Variants in TPO observed in about 807,000 individuals in gnomAD.
TPO encodes the protein thyroid peroxidase.
TPO carries 78 observed loss-of-function variants against 96.9 expected under a neutral mutation model. The observed-to-expected ratio is 0.81, with a 90% CI of 0.67 to 0.97. The LOEUF is 0.97. Among genes scored for constraint, TPO ranks in the 50% least tolerant of loss-of-function variants. The pLI, the probability that TPO is intolerant of heterozygous loss-of-function variation, is 0.00. For missense variants in TPO, 1,252 were observed against 1,274.8 expected (o/e 0.98, Z 0.27); for synonymous variants, 547 against 538.0 (o/e 1.02, Z -0.23).
At chr2:1,490,560 T>TTTGC (rs2124891840) in intron 10 of TPO, among the ~76,000 whole-genome samples, 1 of 152,146 alleles carries the variant, frequency 6.6e-6, no homozygotes, top group South Asian at 2.1e-4. Flanking sequence ...ACTGCATGTG[T>TTTGC]TAGCACTCTA....
At chr2:1,445,039 T>A (rs13000154) in intron 5 of TPO, among the ~76,000 whole-genome samples, 1 of 25,186 alleles carries the variant, frequency 4.0e-5, no homozygotes, top group Non-Finnish European at 9.5e-5. Flanking sequence ...GGAATGGAGC[T>A]GGCTCCTTCT....
intron 1 of TPO, among the ~76,000 whole-genome samples, chr2:1,403,540 C>CA (rs1412160811): frequency 6.6e-6 from 1 of 152,174 alleles, no homozygotes; most frequent in Non-Finnish European, 1.5e-5. Context: ...GCTGTGCTCA[C>CA]AAAAATGCCA....
intron 1 of TPO, among the ~76,000 whole-genome samples, chr2:1,398,184 C>T (rs59510201): frequency 0.054 from 8,157 of 152,208 alleles, 487 homozygotes; most frequent in African/African-American, 0.14. Context: ...TCTGTCTTTT[C>T]CCCACTCTCT....
chr2:1,489,985 G>T (rs1182496312), intron 10 of TPO, among the ~76,000 whole-genome samples: 23 of 120,534 alleles, frequency 1.9e-4, no homozygotes, highest in African/African-American at 6.9e-4. Flanking sequence ...CACACAGGGG[G>T]AGTCACGACA....
At chr2:1,399,231 C>T (rs1426421909) in intron 1 of TPO, among the ~76,000 whole-genome samples, 1 of 152,238 alleles carries the variant, frequency 6.6e-6, no homozygotes, top group Non-Finnish European at 1.5e-5. Flanking sequence ...GAGCCACGTG[C>T]TCTCCAAGCC....
intron 1 of TPO, among the ~76,000 whole-genome samples, chr2:1,399,222 A>G (rs1662129708): frequency 6.6e-6 from 1 of 152,202 alleles, no homozygotes; most frequent in Non-Finnish European, 1.5e-5. Flanking sequence ...AGGGAGGCAG[A>G]GCCACGTGCT....
intron 14 of TPO, 70 bp downstream of exon 14, chr2:1,504,149 A>C: frequency 6.2e-7 from 1 of 1,605,194 alleles, no homozygotes; most frequent in Admixed American, 1.7e-5. Context: ...AAGTGTGTTC[A>C]AGTTAGGCAA....
At chr2:1,394,080 G>A (rs539995919) in intron 1 of TPO, among the ~76,000 whole-genome samples, 2 of 152,160 alleles carry the variant, frequency 1.3e-5, no homozygotes, top group African/African-American at 4.8e-5. Flanking sequence ...GTTTTACCTA[G>A]AAATCATTGA....
intron 7 of TPO, among the ~76,000 whole-genome samples, chr2:1,470,925 C>T (rs1017014272): frequency 1.3e-5 from 2 of 152,238 alleles, no homozygotes; most frequent in African/African-American, 2.4e-5. Context: ...AGATTTCCAA[C>T]GCAGTGCCAT....
At chr2:1,435,658 A>T (rs1385399633) in intron 4 of TPO, among the ~76,000 whole-genome samples, 1 of 152,208 alleles carries the variant, frequency 6.6e-6, no homozygotes, top group Admixed American at 6.5e-5. Flanking sequence ...AATTATAGTG[A>T]CAGAATTAAT....
intron 14 of TPO, among the ~76,000 whole-genome samples, chr2:1,514,667 G>A (rs62107990): frequency 0.28 from 43,337 of 152,176 alleles, 6,470 homozygotes; most frequent in Admixed American, 0.33. Flanking sequence ...AGGACATGCA[G>A]GGGCTTCAGG....
At chr2:1,455,419 C>A (rs1667698195) in intron 6 of TPO, among the ~76,000 whole-genome samples, 1 of 152,162 alleles carries the variant, frequency 6.6e-6, no homozygotes, top group Non-Finnish European at 1.5e-5. Context: ...GGCCCAAAAT[C>A]CAATCCAAAT....
At chr2:1,414,280 C>A in intron 1 of TPO, 128 bp from the exon 2 acceptor site, 1 of 873,646 alleles carries the variant, frequency 1.1e-6, no homozygotes, top group Non-Finnish European at 1.8e-6. Flanking sequence ...CTGTGAGGGT[C>A]GCTCACTGCG....
At chr2:1,488,775 C>T (rs903256266) in intron 10 of TPO, among the ~76,000 whole-genome samples, 4 of 152,184 alleles carry the variant, frequency 2.6e-5, no homozygotes, top group Admixed American at 6.5e-5. Flanking sequence ...TGCCCTGCCC[C>T]GTCCCTGGGC....
Position 1,443,008 on chromosome 2 carries a change from G to A in TPO, c.482+6624G>A, listed in dbSNP as rs369325239. ...GACAGCACTTTCGGAGGCTGAGGTC[G>A]GGGGATCGCTTGAGCCCAGGAGCTC... On this transcript the variant is annotated intron_variant, in intron 5 of 16. Coordinates refer to ENST00000329066, the MANE Select transcript of TPO (RefSeq NM_001206744.2). Among the ~76,000 whole-genome samples, 871 of 152,310 alleles carry A rather than the reference G, an allele frequency of 5.7e-3. 6 individuals carry two copies. The highest frequency in any genetic ancestry group is 0.019 in the African/African-American group (773 of 41,560).
chr2:1,442,657 G>A (rs1033784116), intron 5 of TPO, among the ~76,000 whole-genome samples: 1 of 152,186 alleles, frequency 6.6e-6, no homozygotes. Context: ...TTTTGAAATA[G>A]AAGACGAAAT....
intron 7 of TPO, among the ~76,000 whole-genome samples, chr2:1,463,855 T>C (rs1443662928): frequency 6.6e-6 from 1 of 152,222 alleles, no homozygotes; most frequent in Non-Finnish European, 1.5e-5. Flanking sequence ...TCTAGGTACA[T>C]ATTACAAAGT....
chr2:1,472,241 T>G (rs1005718676), intron 7 of TPO, among the ~76,000 whole-genome samples: 5 of 151,978 alleles, frequency 3.3e-5, no homozygotes, highest in African/African-American at 1.2e-4. Flanking sequence ...AGAGTGCCCT[T>G]CACATGATCT....
Position 1,542,800 on chromosome 2 carries a change from ATGCCGTG to A in TPO, c.*327_*333del. 1 of 567,458 alleles carries A rather than the reference ATGCCGTG, an allele frequency of 1.8e-6. No individual in the cohort carries two copies. The highest frequency in any genetic ancestry group is 3.2e-5 in the Admixed American group (1 of 31,276). 35.2% of individuals were successfully genotyped at this position (567,458 alleles called of 1,614,324 possible). A position where few individuals can be genotyped will look rare whatever the true frequency, so the allele number is the denominator to read the frequency against. On this transcript the variant is annotated 3_prime_UTR_variant, in exon 17 of 17. Coordinates refer to ENST00000329066, the MANE Select transcript of TPO (RefSeq NM_001206744.2). ...CTGTCTCCACCTTCTGGCATCTCTGATGCCGTGCTCGTCTGCACTCTGCCCCGGCGGT... is the reference window on the plus strand; with the variant it reads ...CTGTCTCCACCTTCTGGCATCTCTGACTCGTCTGCACTCTGCCCCGGCGGT...
Sources: allele counts gnomAD v4.1 joint callset (sites outside exome capture counted in the v4.1 genomes callset), GRCh38; gene constraint gnomAD v4.1.1; transcripts MANE v1.5; gene names NCBI Gene and HGNC (gene_info 2026-07-23, HGNC 2026-07-21).